The following FBXL17 variants were observed in gnomAD, a reference collection of about 807,000 sequenced individuals.
FBXL17 encodes F-box and leucine rich repeat protein 17.
In FBXL17, 22 loss-of-function variants were observed where a neutral mutation model predicts 66.2. The observed-to-expected ratio is 0.33, with a 90% CI of 0.24 to 0.47. The LOEUF (loss-of-function observed/expected upper bound fraction) is 0.47. Among genes scored for constraint, FBXL17 ranks in the 20% least tolerant of loss-of-function variants. The pLI is 1.00. For synonymous variants in FBXL17, 474 were observed against 400.5 expected (o/e 1.18, Z -2.19); for missense variants, 878 against 948.2 (o/e 0.93, Z 0.97).
rs1449156622 is a variant in FBXL17, at chr5:108,165,054, AC to A, written c.1745+21062del. Among the ~76,000 whole-genome samples, 9 of 152,340 alleles carry A rather than the reference AC, an allele frequency of 5.9e-5. No individual in the cohort carries two copies. The South Asian group carries it at 1.2e-3, about 21-fold the overall frequency. ...TCATGAAATTATTCCTAAGGAGACAACAAAAAGTATACAAAGATATAGAAAT... is the reference window on the plus strand; with the variant it reads ...TCATGAAATTATTCCTAAGGAGACAAAAAAAGTATACAAAGATATAGAAAT... On this transcript the variant is annotated intron_variant, in intron 6 of 8. Coordinates refer to ENST00000542267, the MANE Select transcript of FBXL17 (RefSeq NM_001163315.3).
intron 5 of FBXL17, among the ~76,000 whole-genome samples, chr5:108,203,201 TCAACCACTTCTTTAGTTATGTGC>T (rs1020259636): frequency 6.6e-6 from 1 of 152,122 alleles, no homozygotes; most frequent in Non-Finnish European, 1.5e-5. Context: ...TTTTCATTGT[TCAACCACTTCTTTAGTTATGTGC>T]CAAGAACTCT....
chr5:108,143,345 T>TCACACA (rs1491283043), intron 6 of FBXL17, among the ~76,000 whole-genome samples: 23 of 129,280 alleles, frequency 1.8e-4, no homozygotes, highest in African/African-American at 7.0e-4. Flanking sequence ...AGAACAGCAT[T>TCACACA]CTCACACACA....
chr5:108,181,604 A>G (rs575963210), intron 6 of FBXL17, among the ~76,000 whole-genome samples: 157 of 152,332 alleles, frequency 1.0e-3, no homozygotes, highest in South Asian at 1.7e-3. Flanking sequence ...AAGAATTATT[A>G]AAACCTACGA....
intron 6 of FBXL17, among the ~76,000 whole-genome samples, chr5:108,132,419 C>T (rs953218884): frequency 6.6e-6 from 1 of 151,882 alleles, no homozygotes; most frequent in Non-Finnish European, 1.5e-5. Flanking sequence ...AACAGAAACC[C>T]CTAATTACTT....
At chr5:107,979,595 C>G (rs972500281) in intron 7 of FBXL17, among the ~76,000 whole-genome samples, 2 of 152,190 alleles carry the variant, frequency 1.3e-5, no homozygotes, top group African/African-American at 4.8e-5. Flanking sequence ...CTGTGACTTC[C>G]GGCGCTGGTT....
chr5:108,009,924 C>T (rs1678726507), intron 7 of FBXL17, among the ~76,000 whole-genome samples: 2 of 152,144 alleles, frequency 1.3e-5, no homozygotes, highest in African/African-American at 4.8e-5. Context: ...GGAAGGCTGG[C>T]ACCTTCTACC....
intron 6 of FBXL17, among the ~76,000 whole-genome samples, chr5:108,150,402 C>A (rs897644404): frequency 6.6e-6 from 1 of 152,078 alleles, no homozygotes; most frequent in Admixed American, 6.6e-5. Context: ...TAGGGTCTCC[C>A]TACGGTGCCC....
At chr5:107,942,153 C>T (rs909459239) in intron 7 of FBXL17, among the ~76,000 whole-genome samples, 1 of 152,180 alleles carries the variant, frequency 6.6e-6, no homozygotes, top group African/African-American at 2.4e-5. Context: ...AGCACATCTA[C>T]TGAAGCCCCA....
At chr5:108,058,677 G>C (rs1294549725) in intron 6 of FBXL17, among the ~76,000 whole-genome samples, 12 of 152,092 alleles carry the variant, frequency 7.9e-5, no homozygotes, top group Non-Finnish European at 4.4e-5. Flanking sequence ...TAAAGACGGA[G>C]TTTCAGAAAG....
intron 6 of FBXL17, among the ~76,000 whole-genome samples, chr5:108,185,289 T>C (rs1047827834): frequency 1.3e-5 from 2 of 152,146 alleles, no homozygotes; most frequent in Admixed American, 1.3e-4. Context: ...AGGAAGGGCC[T>C]GTTTGGAGGT....
chr5:108,069,598 A>G (rs1411102716), intron 6 of FBXL17, among the ~76,000 whole-genome samples: 1 of 152,238 alleles, frequency 6.6e-6, no homozygotes, highest in Non-Finnish European at 1.5e-5. Context: ...GCATGATTCT[A>G]TAACCTGCAA....
rs1261730853 is a variant in FBXL17, at chr5:108,012,311, A to G, written c.1822+8614T>C. Among the ~76,000 whole-genome samples the G allele has an allele frequency of 2.6e-5, 4 of 152,228 alleles. No homozygotes were observed. In the East Asian group the frequency reaches 7.7e-4, roughly 29 times the overall value. On this transcript the variant is annotated intron_variant, in intron 7 of 8. Coordinates refer to ENST00000542267, the MANE Select transcript of FBXL17 (RefSeq NM_001163315.3). ...TTGTTGAATATATTAATACATACTG[A>G]ATATCAATAACAATCTCCCCCTTTC... is the stretch of plus-strand genomic sequence containing the variant.
intron 5 of FBXL17, among the ~76,000 whole-genome samples, chr5:108,213,767 T>A (rs886450330): frequency 6.6e-6 from 1 of 152,236 alleles, no homozygotes; most frequent in Non-Finnish European, 1.5e-5. Flanking sequence ...CAAGTGTTTT[T>A]AACATTAGCC....
At chr5:107,873,477 A>T (rs1354868399) in intron 8 of FBXL17, among the ~76,000 whole-genome samples, 3 of 152,196 alleles carry the variant, frequency 2.0e-5, no homozygotes, top group African/African-American at 7.2e-5. Context: ...TTCTCTGAAA[A>T]ATTCCTTGCA....
chr5:108,017,529 T>G (rs562278023), intron 7 of FBXL17, among the ~76,000 whole-genome samples: 2 of 152,184 alleles, frequency 1.3e-5, no homozygotes, highest in Non-Finnish European at 2.9e-5. Flanking sequence ...TTTATATTGA[T>G]TTTCACTAAC....
chr5:108,237,514 T>C (rs1437647208), intron 4 of FBXL17, among the ~76,000 whole-genome samples: 1 of 152,222 alleles, frequency 6.6e-6, no homozygotes, highest in Non-Finnish European at 1.5e-5. Context: ...GACTTTATAC[T>C]GAAGGAGTCT....
At chr5:108,135,009 C>T (rs1390338828) in intron 6 of FBXL17, among the ~76,000 whole-genome samples, 1 of 151,930 alleles carries the variant, frequency 6.6e-6, no homozygotes, top group Non-Finnish European at 1.5e-5. Flanking sequence ...GCTGTTATCC[C>T]TTATGTTCCA....
At chr5:107,951,415 C>T (rs1751493784) in intron 7 of FBXL17, among the ~76,000 whole-genome samples, 1 of 152,196 alleles carries the variant, frequency 6.6e-6, no homozygotes, top group Non-Finnish European at 1.5e-5. Flanking sequence ...AAAAAACTGC[C>T]AGTGCATTCT....
intron 7 of FBXL17, among the ~76,000 whole-genome samples, chr5:108,017,098 A>T (rs1754418889): frequency 6.6e-6 from 1 of 152,088 alleles, no homozygotes; most frequent in Non-Finnish European, 1.5e-5. Context: ...GTAAATTTTC[A>T]AAAGAAAATT....
Sources: allele counts gnomAD v4.1 joint callset (sites outside exome capture counted in the v4.1 genomes callset), GRCh38; gene constraint gnomAD v4.1.1; transcripts MANE v1.5; gene names NCBI Gene and HGNC (gene_info 2026-07-23, HGNC 2026-07-21).